Variants in EDEM2 observed in about 807,000 individuals in gnomAD.
EDEM2 encodes the protein ER degradation enhancing alpha-mannosidase like protein 2.
Under a neutral mutation model 64.8 loss-of-function variants are expected in EDEM2, and 39 were observed. The ratio of observed to expected loss-of-function variants is 0.60; its 90% CI spans 0.47 to 0.79. The LOEUF is 0.79. Among genes scored for constraint, EDEM2 ranks in the 30% least tolerant of loss-of-function variants. The pLI is 0.00. For missense variants in EDEM2, 609 were observed against 731.3 expected (o/e 0.83, Z 1.93); for synonymous variants, 296 against 291.5 (o/e 1.02, Z -0.16).
At chr20:35,131,846 A>G (rs1569179239) in intron 6 of EDEM2, 63 bp from the exon 7 acceptor site, 2 of 1,567,534 alleles carry the variant, frequency 1.3e-6, no homozygotes, top group Admixed American at 1.8e-5. Flanking sequence ...GGATCTACTC[A>G]CCCCCAACCC....
In EDEM2 at chr20:35,146,894, T is replaced by C. The variant is rs1447211477; in HGVS notation, c.149A>G (p.Tyr50Cys). The C allele has an allele frequency of 1.3e-5, 21 of 1,613,962 alleles. No individual in the cohort carries two copies. The Admixed American group carries it at 3.3e-4, about 26-fold the overall frequency. Residue 50 changes from tyrosine to cysteine, a missense_variant, in exon 2 of 11, where the codon TAC becomes TGC. Physicochemically the swap from Tyr to Cys is radical, Grantham distance 194. Coordinates refer to ENST00000374492, the MANE Select transcript of EDEM2 (RefSeq NM_018217.3). ...KAMFYHAYDS[Y>C]LENAFPFDEL... ...ATCGAAGGGAAAGGCATTCTCCAGGTAGCTGTCGTAGGCGTGGTAGAACAT... is the reference window on the plus strand; with the variant it reads ...ATCGAAGGGAAAGGCATTCTCCAGGCAGCTGTCGTAGGCGTGGTAGAACAT...
chr20:35,117,197 C>T (rs1393300748), intron 10 of EDEM2: 1 of 152,188 alleles, frequency 6.6e-6, no homozygotes, highest in Non-Finnish European at 1.5e-5. Context: ...AAACTATTGA[C>T]ATTGTTTTAG....
intron 9 of EDEM2, among the ~76,000 whole-genome samples, chr20:35,122,231 A>G (rs2085378332): frequency 6.6e-6 from 1 of 152,160 alleles, no homozygotes; most frequent in South Asian, 2.1e-4. Flanking sequence ...ATATTAGGAA[A>G]ATTCCAATTA....
Position 35,115,561 on chromosome 20 carries a change from G to A in EDEM2, c.1609C>T (p.Pro537Ser), listed in dbSNP as rs779467194. The change falls in exon 11 of 11, where the codon CCA becomes TCA. Residue 537 changes from proline to serine, a missense_variant. By Grantham distance (74) the Pro-to-Ser change is moderately conservative. Transcript: ENST00000374492. ...TCCCTTGCCTGGTCATGGTTTTCTGGTGAGAAGAGTGTTCCTGGCCTTGCT... is the reference window on the plus strand; with the variant it reads ...TCCCTTGCCTGGTCATGGTTTTCTGATGAGAAGAGTGTTCCTGGCCTTGCT... ...PPARPGTLFS[P>S]ENHDQARERK... 1 of 1,614,132 alleles carries A rather than the reference G, an allele frequency of 6.2e-7. No homozygotes were observed. The highest frequency in any genetic ancestry group is 2.2e-5 in the East Asian group (1 of 44,888).
intron 9 of EDEM2, among the ~76,000 whole-genome samples, chr20:35,122,274 T>C (rs1208099633): frequency 6.6e-6 from 1 of 152,216 alleles, no homozygotes; most frequent in East Asian, 1.9e-4. Flanking sequence ...AACCCTAAGA[T>C]TGTGCAAGCC....
Position 35,134,863 on chromosome 20 carries a change from C to A in EDEM2, c.577G>T (p.Ala193Ser). Residue 193 changes from alanine to serine, a missense_variant, in exon 6 of 11, where the codon GCA becomes TCA. By Grantham distance (99) the Ala-to-Ser change is moderately conservative. Coordinates refer to ENST00000374492, the MANE Select transcript of EDEM2 (RefSeq NM_018217.3). ...NPGETPVTCTAGIGTFIVEFA... is the reference protein window; with the variant it reads ...NPGETPVTCTSGIGTFIVEFA... ...TCAACAATGAAGGTCCCAATCCCTG[C>A]CGTACAGGTGACAGGGGTCTCTCCT... 1 of 1,614,170 alleles carries A rather than the reference C, an allele frequency of 6.2e-7. No individual in the cohort carries two copies. The highest frequency in any genetic ancestry group is 8.5e-7 in the Non-Finnish European group (1 of 1,180,024).
chr20:35,135,067 T>C, intron 5 of EDEM2, 118 bp from the exon 6 acceptor site: 1 of 1,003,392 alleles, frequency 1.0e-6, no homozygotes, highest in Non-Finnish European at 1.5e-6. Flanking sequence ...GGTATCCTGC[T>C]AGAGTCTGAG....
At chr20:35,122,180 G>C (rs145121234) in intron 9 of EDEM2, among the ~76,000 whole-genome samples, 1 of 152,052 alleles carries the variant, frequency 6.6e-6, no homozygotes. Flanking sequence ...CTTGTCACTC[G>C]TGGTAACTAA....
rs1447014991 is a variant in EDEM2 at position 35,131,678 on chromosome 20, G to C, written c.808C>G (p.Leu270Val). ...GCCATGAGCTTCTTATCCTGAAGCA[G>C]GATGGCTCCTTTCACCAAGTACTCA... Reference protein sequence around the residue: ...YFEYLVKGAILLQDKKLMAMF... With the variant: ...YFEYLVKGAIVLQDKKLMAMF... Residue 270 changes from leucine (L) to valine (V), a missense_variant, in exon 7 of 11, where the codon CTG (leucine) becomes GTG (valine). By Grantham distance (32) the Leu-to-Val change is conservative. Coordinates refer to ENST00000374492, the MANE Select transcript of EDEM2 (RefSeq NM_018217.3). 6.2e-7 allele frequency: 1 copy of C among 1,614,226 alleles called. No homozygotes were observed. The highest frequency in any genetic ancestry group is 1.1e-5 in the South Asian group (1 of 91,084).
At chr20:35,128,563 T>A (rs1375394415) in intron 7 of EDEM2, among the ~76,000 whole-genome samples, 3 of 86,468 alleles carry the variant, frequency 3.5e-5, no homozygotes, top group Non-Finnish European at 7.6e-5. Context: ...CAAAACTCTG[T>A]CTAAAAAAAA....
chr20:35,117,155 C>T (rs1468208977), intron 10 of EDEM2: 1 of 152,112 alleles, frequency 6.6e-6, no homozygotes, highest in Non-Finnish European at 1.5e-5. Context: ...CCCAAAGTAT[C>T]GACACTTACT....
At chr20:35,121,124 A>G (rs1420471823) in intron 9 of EDEM2, among the ~76,000 whole-genome samples, 2 of 152,190 alleles carry the variant, frequency 1.3e-5, no homozygotes, top group East Asian at 3.8e-4. Flanking sequence ...GGGATAATTC[A>G]TGTGCATTAC....
intron 7 of EDEM2, among the ~76,000 whole-genome samples, chr20:35,127,394 A>C (rs1383509927): frequency 6.6e-6 from 1 of 152,196 alleles, no homozygotes; most frequent in Non-Finnish European, 1.5e-5. Context: ...GTTTGTAAAC[A>C]AGACAAAATC....
chr20:35,143,797 G>A (rs1007273027), intron 3 of EDEM2, among the ~76,000 whole-genome samples: 1 of 152,014 alleles, frequency 6.6e-6, no homozygotes, highest in African/African-American at 2.4e-5. Context: ...GCTCATCACA[G>A]CCTCGAACTC....
chr20:35,137,873 G>T lies in EDEM2; in HGVS notation c.490+7C>A. ...TCGTCTCTGCCCCATCTCTGTGTGG[G>T]TCTTACCTGGGAGGAGTTTTCGGGC... On this transcript the variant is annotated splice_region_variant and intron_variant, in intron 5 of 10. Coordinates refer to ENST00000374492, the MANE Select transcript of EDEM2 (RefSeq NM_018217.3). The T allele has an allele frequency of 1.2e-6, 2 of 1,613,858 alleles. No individual in the cohort carries two copies. Among genetic ancestry groups the T allele is most frequent in the Non-Finnish European group, 1.7e-6 (2 of 1,179,830 alleles).
In EDEM2 at chr20:35,115,677, A is replaced by AC. The variant is rs774785358; in HGVS notation, c.1492dup (p.Val498GlyfsTer24). On this transcript the variant is annotated frameshift_variant, in exon 11 of 11. Transcript: ENST00000374492. LOFTEE classifies it high-confidence loss of function. ...GTAGAATTCCCTCATCAAGTCCTCC[A>AC]CCTCCCACTGCTCTTCCTTCAGCCT... 6.2e-7 allele frequency: 1 copy of AC among 1,613,146 alleles called. No homozygotes were observed. Among genetic ancestry groups the AC allele is most frequent in the South Asian group, 1.1e-5 (1 of 91,066 alleles).
intron 5 of EDEM2, among the ~76,000 whole-genome samples, chr20:35,136,750 G>A (rs1326966533): frequency 9.9e-6 from 1 of 101,186 alleles, no homozygotes; most frequent in Non-Finnish European, 2.0e-5. Context: ...GCAAGACCCT[G>A]TCTGAAAAAA....
At chr20:35,125,674 G>A (rs1373903699) in intron 8 of EDEM2, among the ~76,000 whole-genome samples, 7 of 152,110 alleles carry the variant, frequency 4.6e-5, no homozygotes, top group Non-Finnish European at 7.3e-5. Context: ...CTGAGCCACC[G>A]CGCCCGACCT....
intron 7 of EDEM2, among the ~76,000 whole-genome samples, chr20:35,127,177 C>T (rs936911885): frequency 7.2e-5 from 11 of 152,286 alleles, no homozygotes; most frequent in East Asian, 1.9e-4. Context: ...TTTCGCCTTC[C>T]GCCACGATTG....
Sources: gnomAD v4.1 joint callset for allele counts (sites outside exome capture counted in the v4.1 genomes callset) on GRCh38, gnomAD v4.1.1 for gene constraint, MANE v1.5 for transcripts, NCBI Gene and HGNC (gene_info 2026-07-23, HGNC 2026-07-21) for gene names.